Variants in FANCB observed in about 807,000 individuals in gnomAD.
FANCB encodes FA complementation group B.
In FANCB, 5 loss-of-function variants were observed where a neutral mutation model predicts 38.9. That is an observed-to-expected ratio of 0.13 (90% CI 0.07 to 0.27). The LOEUF is 0.27. FANCB is among the 10% of genes least tolerant of loss of function. The pLI is 1.00. For synonymous variants in FANCB, 236 were observed against 215.4 expected (o/e 1.10, Z -0.84); for missense variants, 573 against 602.7 (o/e 0.95, Z 0.52).
chrX:14,786,513 T>C, the FANCB span, among the ~76,000 whole-genome samples: 1 of 110,982 alleles, frequency 9.0e-6, no homozygotes, highest in East Asian at 2.8e-4. Flanking sequence ...ACCTGACATA[T>C]GAATGAACGC....
intron 7 of FANCB, among the ~76,000 whole-genome samples, chrX:14,848,422 T>C (rs2092386236): frequency 9.0e-6 from 1 of 111,418 alleles, no homozygotes; most frequent in Admixed American, 9.5e-5. Context: ...AGGGGGCGCC[T>C]GTCCATATGG....
At chrX:14,764,984 C>T in the FANCB span, among the ~76,000 whole-genome samples, 2 of 112,152 alleles carry the variant, frequency 1.8e-5, no homozygotes, top group Admixed American at 1.9e-4. Context: ...AACAGAATGC[C>T]AGTTAAATTT....
chrX:14,769,641 G>A, the FANCB span, among the ~76,000 whole-genome samples: 8 of 111,288 alleles, frequency 7.2e-5, no homozygotes, highest in Non-Finnish European at 1.3e-4. Context: ...AAGGGTTTTA[G>A]TGTCTCCATC....
the FANCB span, among the ~76,000 whole-genome samples, chrX:14,695,314 A>G: frequency 8.9e-6 from 1 of 111,873 alleles, no homozygotes; most frequent in East Asian, 2.8e-4. Flanking sequence ...ATGGTATGGA[A>G]TAAAATGTGT....
the FANCB span, among the ~76,000 whole-genome samples, chrX:14,723,331 C>T: frequency 8.9e-6 from 1 of 111,861 alleles, no homozygotes; most frequent in South Asian, 3.7e-4. Flanking sequence ...GTTGATTGCC[C>T]CTCTATGTCT....
At chrX:14,840,082 T>C (rs772736766), downstream of FANCB, among the ~76,000 whole-genome samples, 93 of 112,020 alleles carry the variant, frequency 8.3e-4, no homozygotes, top group Non-Finnish European at 1.6e-3. Flanking sequence ...CTCGAACTCC[T>C]GACCTCAGGT....
the FANCB span, among the ~76,000 whole-genome samples, chrX:14,713,264 A>G: frequency 8.9e-6 from 1 of 111,986 alleles, no homozygotes; most frequent in African/African-American, 3.2e-5. Flanking sequence ...CTCAACATTC[A>G]CCTTGCACCC....
At chrX:14,781,421 G>C in the FANCB span, among the ~76,000 whole-genome samples, 16 of 111,396 alleles carry the variant, frequency 1.4e-4, no homozygotes, top group Admixed American at 1.5e-3. Context: ...GTGATGGAAT[G>C]AGAGTCTGTC....
chrX:14,834,029 T>A (rs1233351339), downstream of FANCB, among the ~76,000 whole-genome samples: 2 of 111,022 alleles, frequency 1.8e-5, no homozygotes, highest in East Asian at 5.7e-4. Flanking sequence ...AAAAATCACC[T>A]GGGGAGCTTT....
At chrX:14,808,358 A>G in the FANCB span, among the ~76,000 whole-genome samples, 1 of 111,898 alleles carries the variant, frequency 8.9e-6, no homozygotes, top group Non-Finnish European at 1.9e-5. Context: ...AAAAAAAATC[A>G]TTCGTGATGA....
the FANCB span, among the ~76,000 whole-genome samples, chrX:14,710,683 G>A: frequency 9.0e-6 from 1 of 111,475 alleles, no homozygotes; most frequent in Non-Finnish European, 1.9e-5. Flanking sequence ...ATTAGAACAG[G>A]GTTTCTCAAA....
the FANCB span, among the ~76,000 whole-genome samples, chrX:14,810,696 T>A: frequency 3.6e-5 from 4 of 111,921 alleles, no homozygotes; most frequent in Non-Finnish European, 7.5e-5. Context: ...CTGATTGGTG[T>A]ACCTGAAAGT....
chrX:14,796,542 T>C, the FANCB span, among the ~76,000 whole-genome samples: 20 of 98,893 alleles, frequency 2.0e-4, no homozygotes, highest in African/African-American at 6.9e-4. Context: ...TTATATATGT[T>C]ATATATAATA....
chrX:14,860,364 T>A (rs755032666), intron 3 of FANCB, among the ~76,000 whole-genome samples: 2 of 111,959 alleles, frequency 1.8e-5, no homozygotes, highest in African/African-American at 6.5e-5. Context: ...TGTAAACCCA[T>A]ATCCTCCCTT....
At chrX:14,846,860 T>G (rs959247765) in intron 7 of FANCB, among the ~76,000 whole-genome samples, 1 of 108,537 alleles carries the variant, frequency 9.2e-6, no homozygotes, top group Admixed American at 9.7e-5. Context: ...AAAGGATACC[T>G]ACAGATTACA....
the FANCB span, among the ~76,000 whole-genome samples, chrX:14,703,606 C>A: frequency 7.2e-5 from 8 of 111,629 alleles, no homozygotes; most frequent in East Asian, 2.3e-3. Flanking sequence ...AGGCATTATC[C>A]TGCCTGCCAC....
the FANCB span, among the ~76,000 whole-genome samples, chrX:14,802,974 T>C: frequency 8.9e-6 from 1 of 112,240 alleles, no homozygotes; most frequent in Non-Finnish European, 1.9e-5. Context: ...AGTCAATAAA[T>C]TCTTTCCTTT....
intron 7 of FANCB, among the ~76,000 whole-genome samples, chrX:14,849,744 GATT>G (rs931764541): frequency 8.9e-6 from 1 of 111,862 alleles, no homozygotes; most frequent in Non-Finnish European, 1.9e-5. Context: ...TATGCTGTTT[GATT>G]ATCTTCACCG....
the FANCB span, among the ~76,000 whole-genome samples, chrX:14,811,253 A>G: frequency 9.0e-5 from 10 of 111,681 alleles, no homozygotes; most frequent in Non-Finnish European, 1.9e-4. Context: ...AAGAAACTGC[A>G]TCAACTAACA....
Sources: gnomAD v4.1 joint callset for allele counts (sites outside exome capture counted in the v4.1 genomes callset) on GRCh38, gnomAD v4.1.1 for gene constraint, MANE v1.5 for transcripts, NCBI Gene and HGNC (gene_info 2026-07-23, HGNC 2026-07-21) for gene names.